Variants in CEP128 observed in about 807,000 individuals in gnomAD.
CEP128 encodes the protein centrosomal protein 128.
CEP128 carries 132 observed loss-of-function variants against 156.7 expected under a neutral mutation model. The ratio of observed to expected loss-of-function variants is 0.84; its 90% CI spans 0.73 to 0.97. CEP128 has a LOEUF of 0.97. CEP128 is among the 50% of genes least tolerant of loss of function. The pLI is 0.00. For missense variants in CEP128, 1,252 were observed against 1,281.9 expected (o/e 0.98, Z 0.36); for synonymous variants, 469 against 448.9 (o/e 1.04, Z -0.57).
At chr14:80,923,687 G>C (rs1037407475) in intron 2 of CEP128, among the ~76,000 whole-genome samples, 2 of 152,132 alleles carry the variant, frequency 1.3e-5, no homozygotes, top group Non-Finnish European at 1.5e-5. Context: ...TGATACTTAG[G>C]GGGGTAAGGG....
intron 8 of CEP128, among the ~76,000 whole-genome samples, chr14:80,881,124 A>C (rs1024333757): frequency 6.6e-6 from 1 of 151,688 alleles, no homozygotes; most frequent in Non-Finnish European, 1.5e-5. Flanking sequence ...CAAAAGATCA[A>C]TGAAATGAAA....
chr14:80,768,325 G>A (rs1900343945), intron 16 of CEP128, among the ~76,000 whole-genome samples: 1 of 152,166 alleles, frequency 6.6e-6, no homozygotes, highest in Admixed American at 6.5e-5. Context: ...GTATTCAGAT[G>A]CAGAATCAAT....
chr14:80,537,809 C>T, intron 21 of CEP128, among the ~76,000 whole-genome samples: 1 of 152,074 alleles, frequency 6.6e-6, no homozygotes, highest in Non-Finnish European at 1.5e-5. Flanking sequence ...TACACAGGTC[C>T]CAAACACGTG....
intron 19 of CEP128, among the ~76,000 whole-genome samples, chr14:80,597,753 T>C (rs1454259515): frequency 1.3e-5 from 2 of 151,846 alleles, no homozygotes; most frequent in African/African-American, 4.8e-5. Context: ...AACATGACCA[T>C]GTTGCACTTA....
At chr14:80,937,112 G>A (rs945958484) in intron 2 of CEP128, among the ~76,000 whole-genome samples, 7 of 152,258 alleles carry the variant, frequency 4.6e-5, no homozygotes, top group South Asian at 2.1e-4. Flanking sequence ...GAGCCCAAGC[G>A]TTCGAGATGA....
At position 80,782,349 on chromosome 14, in the gene CEP128, C is replaced by T. The variant is rs1008097050; in HGVS notation, c.2211+2546G>A. The stretch of plus-strand genomic sequence containing the variant: ...CTCAACTCTGAAAATTCTTATATTG[C>T]ACTTCCTGACCAAATCAGCAACCTC... On this transcript the variant is annotated intron_variant, in intron 15 of 24. Transcript: ENST00000555265. Among the ~76,000 whole-genome samples, 7 of 152,182 alleles carry T rather than the reference C, an allele frequency of 4.6e-5. No homozygotes were observed. The South Asian group carries it at 6.2e-4, about 14-fold the overall frequency.
chr14:80,514,414 T>A (rs975789982), intron 23 of CEP128, among the ~76,000 whole-genome samples: 2 of 152,192 alleles, frequency 1.3e-5, no homozygotes, highest in African/African-American at 2.4e-5. Flanking sequence ...TTCATTATTT[T>A]TTTTTTTGTC....
At chr14:80,523,392 T>A (rs1325005774) in intron 23 of CEP128, among the ~76,000 whole-genome samples, 1 of 152,200 alleles carries the variant, frequency 6.6e-6, no homozygotes, top group African/African-American at 2.4e-5. Context: ...TTGGGGCCAC[T>A]TTTTTGGGGC....
chr14:80,907,169 C>G (rs1279987675), intron 4 of CEP128, among the ~76,000 whole-genome samples: 3 of 152,026 alleles, frequency 2.0e-5, no homozygotes, highest in Non-Finnish European at 4.4e-5. Flanking sequence ...CTTTTTCAGT[C>G]TGGCTATTTG....
At chr14:80,505,094 C>A in intron 23 of CEP128, 74 bp from the exon 24 acceptor site, 1 of 563,940 alleles carries the variant, frequency 1.8e-6, no homozygotes, top group South Asian at 3.6e-5. Context: ...CGTACTGAAG[C>A]TGAAATTAAA....
At chr14:80,868,761 T>C (rs1887891974) in intron 8 of CEP128, among the ~76,000 whole-genome samples, 1 of 151,978 alleles carries the variant, frequency 6.6e-6, no homozygotes, top group Admixed American at 6.6e-5. Context: ...GACTCATAAA[T>C]AGACTTTAGA....
At chr14:80,554,414 C>A (rs1228024647) in intron 21 of CEP128, among the ~76,000 whole-genome samples, 2 of 152,090 alleles carry the variant, frequency 1.3e-5, no homozygotes, top group Non-Finnish European at 2.9e-5. Flanking sequence ...TTTATCTAGT[C>A]TCTGGAAGAG....
intron 13 of CEP128, among the ~76,000 whole-genome samples, chr14:80,808,133 A>T (rs1226384210): frequency 6.6e-6 from 1 of 152,198 alleles, no homozygotes; most frequent in Non-Finnish European, 1.5e-5. Context: ...AGAGAGTGAG[A>T]TCCCCTCCCA....
chr14:80,707,865 G>A (rs1897278010), intron 19 of CEP128, among the ~76,000 whole-genome samples: 1 of 151,842 alleles, frequency 6.6e-6, no homozygotes, highest in South Asian at 2.1e-4. Context: ...AACCCACTAA[G>A]GATATATAGC....
chr14:80,618,589 CA>C (rs576890939), intron 19 of CEP128, among the ~76,000 whole-genome samples: 71 of 152,280 alleles, frequency 4.7e-4, no homozygotes, highest in African/African-American at 1.7e-3. Context: ...TGAATGGAAA[CA>C]GGACTGGGGA....
chr14:80,900,012 CT>C lies in CEP128; in HGVS notation c.497del (p.Gln166ArgfsTer38). The C allele has an allele frequency of 1.2e-6, 2 of 1,611,732 alleles. No homozygotes were observed. Among genetic ancestry groups the C allele is most frequent in the African/African-American group, 1.3e-5 (1 of 74,994 alleles). On this transcript the variant is annotated frameshift_variant, in exon 7 of 25. Transcript: ENST00000555265. LOFTEE classifies it high-confidence loss of function. ...GTTCACTGCTGAGGTCTCGAAGAGACTGATGAAAACCATGAAGCTAGCAAAG... is the reference window on the plus strand; with the variant it reads ...GTTCACTGCTGAGGTCTCGAAGAGACGATGAAAACCATGAAGCTAGCAAAG... ...DDMTQLHGFH[Q>X]SLRDLSSEQI...
chr14:80,680,818 CTGGTGCTTGTGTTTACCAT>C (rs1896291023), intron 19 of CEP128, among the ~76,000 whole-genome samples: 2 of 152,180 alleles, frequency 1.3e-5, no homozygotes, highest in Non-Finnish European at 1.5e-5. Context: ...TCTCCTAGCA[CTGGTGCTTGTGTTTACCAT>C]TGGGGGACCT....
chr14:80,697,249 T>G (rs1896922711), intron 19 of CEP128, among the ~76,000 whole-genome samples: 1 of 152,162 alleles, frequency 6.6e-6, no homozygotes, highest in Admixed American at 6.5e-5. Flanking sequence ...TTCTCTGATT[T>G]TAGCTTTAAT....
In CEP128 at chr14:80,497,443, C is replaced by A; in HGVS notation, c.*36G>T. 3.7e-6 allele frequency: 5 copies of A among 1,341,016 alleles called. No homozygotes were observed. The highest frequency in any genetic ancestry group is 1.8e-4 in the Middle Eastern group (1 of 5,536). 83.1% of individuals were successfully genotyped at this position (1,341,016 alleles called of 1,614,324 possible). ...AGAATAGAGATGTTATTATTTGTAA[C>A]ATACTCATGTAAAATAACAAATTAC... On this transcript the variant is annotated 3_prime_UTR_variant, in exon 25 of 25. Coordinates refer to ENST00000555265, the MANE Select transcript of CEP128 (RefSeq NM_152446.5).
Sources: allele counts gnomAD v4.1 joint callset (sites outside exome capture counted in the v4.1 genomes callset), GRCh38; gene constraint gnomAD v4.1.1; transcripts MANE v1.5; gene names NCBI Gene and HGNC (gene_info 2026-07-23, HGNC 2026-07-21).